Variants in RPS6KC1 observed in about 807,000 individuals in gnomAD.
The protein encoded by RPS6KC1 is ribosomal protein S6 kinase C1.
A neutral mutation model predicts 103.8 loss-of-function variants in RPS6KC1; 54 were observed. The observed-to-expected ratio is 0.52, with a 90% confidence interval of 0.42 to 0.65. The LOEUF (loss-of-function observed/expected upper bound fraction) is 0.65. Among genes scored for constraint, RPS6KC1 ranks in the 30% least tolerant of loss-of-function variants. The pLI is 0.00. For missense variants in RPS6KC1, 1,151 were observed against 1,253.8 expected (o/e 0.92, Z 1.24); for synonymous variants, 439 against 438.7 (o/e 1.00, Z -0.01).
chr1:213,153,661 T>C (rs1267019012), intron 6 of RPS6KC1, among the ~76,000 whole-genome samples: 1 of 152,228 alleles, frequency 6.6e-6, no homozygotes, highest in Non-Finnish European at 1.5e-5. Flanking sequence ...TACTTACTAT[T>C]ACTAGTGAGT....
chr1:213,786,360 C>A, the RPS6KC1 span, among the ~76,000 whole-genome samples: 1 of 152,118 alleles, frequency 6.6e-6, no homozygotes, highest in African/African-American at 2.4e-5. Flanking sequence ...ATAGTTGTTC[C>A]CCATTGTTAA....
chr1:213,119,219 G>A (rs1331972184), intron 5 of RPS6KC1, among the ~76,000 whole-genome samples: 1 of 151,668 alleles, frequency 6.6e-6, no homozygotes, highest in Admixed American at 6.6e-5. Context: ...GGCCAAGGCA[G>A]GCGGATCACT....
chr1:213,453,396 C>T, the RPS6KC1 span, among the ~76,000 whole-genome samples: 3 of 151,966 alleles, frequency 2.0e-5, no homozygotes, highest in Non-Finnish European at 4.4e-5. Context: ...CCAGGATCAC[C>T]TTGTGGGGCC....
At chr1:213,571,699 C>T in the RPS6KC1 span, among the ~76,000 whole-genome samples, 1 of 152,188 alleles carries the variant, frequency 6.6e-6, no homozygotes, top group Admixed American at 6.5e-5. Context: ...ATCTGGGCGT[C>T]ACACCACAGT....
At chr1:213,821,022 T>C in the RPS6KC1 span, 2 of 152,120 alleles carry the variant, frequency 1.3e-5, no homozygotes, top group Admixed American at 6.6e-5. Flanking sequence ...TCCAAGTTCC[T>C]AAGGTGATGC....
At chr1:213,168,347 T>C (rs1481700846) in intron 7 of RPS6KC1, among the ~76,000 whole-genome samples, 2 of 152,220 alleles carry the variant, frequency 1.3e-5, no homozygotes, top group Non-Finnish European at 2.9e-5. Context: ...ATTTTAAGCC[T>C]AAGTTATACA....
the RPS6KC1 span, among the ~76,000 whole-genome samples, chr1:213,575,597 T>C: frequency 2.0e-5 from 3 of 152,224 alleles, no homozygotes; most frequent in Non-Finnish European, 4.4e-5. Flanking sequence ...CTTCCCCTTC[T>C]GCCATGATTG....
At chr1:213,452,252 C>T in the RPS6KC1 span, among the ~76,000 whole-genome samples, 1 of 151,686 alleles carries the variant, frequency 6.6e-6, no homozygotes, top group African/African-American at 2.4e-5. Context: ...AAAACAGACT[C>T]GGGCTTTGTC....
the RPS6KC1 span, among the ~76,000 whole-genome samples, chr1:213,625,581 C>G: frequency 9.2e-5 from 14 of 152,342 alleles, no homozygotes; most frequent in East Asian, 2.5e-3. Context: ...CCTCCTCCCT[C>G]CTCCGACCCC....
At chr1:213,385,097 T>A in the RPS6KC1 span, among the ~76,000 whole-genome samples, 4 of 152,174 alleles carry the variant, frequency 2.6e-5, no homozygotes, top group African/African-American at 9.7e-5. Flanking sequence ...ATGTAATTCT[T>A]AATGGTGGGG....
At chr1:213,214,848 A>T (rs1322430962) in intron 8 of RPS6KC1, among the ~76,000 whole-genome samples, 1 of 152,174 alleles carries the variant, frequency 6.6e-6, no homozygotes, top group Non-Finnish European at 1.5e-5. Context: ...AACAAACAGA[A>T]AGGACGTCGA....
chr1:213,351,713 T>C, the RPS6KC1 span, among the ~76,000 whole-genome samples: 1 of 152,184 alleles, frequency 6.6e-6, no homozygotes, highest in Non-Finnish European at 1.5e-5. Flanking sequence ...AAAAGGGCTC[T>C]TCTAAAATTG....
the RPS6KC1 span, among the ~76,000 whole-genome samples, chr1:213,449,586 A>G: frequency 6.6e-6 from 1 of 152,166 alleles, no homozygotes; most frequent in Non-Finnish European, 1.5e-5. Flanking sequence ...TTTAACGGCC[A>G]TATCTCCAAA....
chr1:213,691,193 T>A, the RPS6KC1 span, among the ~76,000 whole-genome samples: 3 of 152,224 alleles, frequency 2.0e-5, no homozygotes, highest in African/African-American at 7.2e-5. Flanking sequence ...TATCTTTTGC[T>A]GTGCCGAGCC....
At chr1:213,710,997 G>A in the RPS6KC1 span, among the ~76,000 whole-genome samples, 1 of 152,008 alleles carries the variant, frequency 6.6e-6, no homozygotes, top group Non-Finnish European at 1.5e-5. Flanking sequence ...ATGTGTCTTG[G>A]GGTTGCTCTT....
the RPS6KC1 span, among the ~76,000 whole-genome samples, chr1:213,309,020 G>A: frequency 1.3e-5 from 2 of 152,116 alleles, no homozygotes; most frequent in African/African-American, 2.4e-5. Flanking sequence ...GGCCGGGCAC[G>A]GTGGCTCACG....
the RPS6KC1 span, among the ~76,000 whole-genome samples, chr1:213,303,212 C>T: frequency 6.6e-6 from 1 of 152,160 alleles, no homozygotes; most frequent in Non-Finnish European, 1.5e-5. Flanking sequence ...AGAAAGGGAT[C>T]TCCAAGTCAG....
At chr1:213,839,147 A>G in the RPS6KC1 span, among the ~76,000 whole-genome samples, 34 of 152,206 alleles carry the variant, frequency 2.2e-4, 1 homozygote, top group Non-Finnish European at 8.8e-5. Flanking sequence ...AAGAGGACCA[A>G]CATAATCCTA....
the RPS6KC1 span, among the ~76,000 whole-genome samples, chr1:213,686,968 T>C: frequency 7.9e-6 from 1 of 126,604 alleles, no homozygotes; most frequent in Non-Finnish European, 1.8e-5. Flanking sequence ...TGCCATGGCA[T>C]TTGTAAATGG....
Sources: gnomAD v4.1 joint callset for allele counts (sites outside exome capture counted in the v4.1 genomes callset) on GRCh38, gnomAD v4.1.1 for gene constraint, MANE v1.5 for transcripts, NCBI Gene and HGNC (gene_info 2026-07-23, HGNC 2026-07-21) for gene names.